Variants in KCNAB1 observed in about 807,000 individuals in gnomAD.
KCNAB1 encodes potassium voltage-gated channel subfamily A regulatory beta subunit 1.
In KCNAB1, 35 loss-of-function variants were observed where a neutral mutation model predicts 64.6. The observed-to-expected ratio is 0.54, with a 90% CI of 0.41 to 0.72. The LOEUF is 0.72. Ranked by LOEUF, KCNAB1 falls within the 30% of genes least tolerant of loss-of-function variation. The pLI is 0.00. For synonymous variants in KCNAB1, 177 were observed against 183.8 expected, an observed-to-expected ratio of 0.96 and a Z score of 0.30; for missense variants, 401 against 512.9, an observed-to-expected ratio of 0.78 and a Z score of 2.11.
At chr3:156,178,857 C>A (rs1303130857) in intron 1 of KCNAB1, among the ~76,000 whole-genome samples, 8 of 151,738 alleles carry the variant, frequency 5.3e-5, no homozygotes, top group Non-Finnish European at 1.0e-4. Context: ...AAAAATTAGC[C>A]GGGCGTGTTG....
At chr3:156,231,681 T>C (rs1716540962) in intron 1 of KCNAB1, among the ~76,000 whole-genome samples, 1 of 151,858 alleles carries the variant, frequency 6.6e-6, no homozygotes, top group Non-Finnish European at 1.5e-5. Context: ...CTCTGCACAA[T>C]AAAACTTGGT....
rs76242140 is a variant in KCNAB1 at position 156,295,739 on chromosome 3, T to A, written c.276-125877T>A. Among the ~76,000 whole-genome samples, 1,338 of 152,280 alleles carry A rather than the reference T, an allele frequency of 8.8e-3. 22 individuals are homozygous for A. Among genetic ancestry groups the A allele is most frequent in the African/African-American group, 0.03 (1,231 of 41,556 alleles). ...GGGCTTTTTTTTCCAATACAGATTA[T>A]TTGTATATATTTATGGGGTACATGT... On this transcript the variant is annotated intron_variant, in intron 1 of 13. Coordinates refer to ENST00000490337, the MANE Select transcript of KCNAB1 (RefSeq NM_172160.3).
At chr3:156,433,512 G>A (rs1205727935) in intron 2 of KCNAB1, among the ~76,000 whole-genome samples, 8 of 152,192 alleles carry the variant, frequency 5.3e-5, no homozygotes, top group Non-Finnish European at 5.9e-5. Context: ...GTAAAGGATA[G>A]ATTGGGAAGG....
At chr3:156,368,872 A>G (rs1003249624) in intron 1 of KCNAB1, among the ~76,000 whole-genome samples, 4 of 152,252 alleles carry the variant, frequency 2.6e-5, no homozygotes, top group African/African-American at 9.6e-5. Context: ...AAATAATTAT[A>G]GCCCCAAGCT....
intron 11 of KCNAB1, among the ~76,000 whole-genome samples, chr3:156,518,185 CT>C (rs1047889365): frequency 1.3e-5 from 2 of 152,170 alleles, no homozygotes; most frequent in African/African-American, 4.8e-5. Flanking sequence ...CTATTGGTGA[CT>C]TTTATAAAGT....
chr3:156,270,247 G>A (rs892525700), intron 1 of KCNAB1, among the ~76,000 whole-genome samples: 5 of 152,032 alleles, frequency 3.3e-5, no homozygotes, highest in Non-Finnish European at 7.4e-5. Flanking sequence ...GGCACTCTAT[G>A]TATTTTGACT....
chr3:156,382,058 G>A (rs988165833), intron 1 of KCNAB1: 5 of 151,974 alleles, frequency 3.3e-5, no homozygotes, highest in Non-Finnish European at 7.4e-5. Flanking sequence ...GTACAATAGG[G>A]CCACACAATT....
intron 1 of KCNAB1, among the ~76,000 whole-genome samples, chr3:156,124,206 ATTTCT>A (rs1364809148): frequency 2.4e-4 from 36 of 148,224 alleles, no homozygotes; most frequent in African/African-American, 7.2e-4. Context: ...CTTAGGATCT[ATTTCT>A]TTTCTTTTTT....
rs1481668490 is a variant in KCNAB1, at chr3:156,218,812, A to AT, written c.275+97926_275+97927insT. ...AAAAAAAAAAAAAAAAATAATAATA[A>AT]AATAAAATAAAAATAAATAAATAAA... On this transcript the variant is annotated intron_variant, in intron 1 of 13. Transcript: ENST00000490337. 6.8e-3 allele frequency among the ~76,000 whole-genome samples: 758 copies of AT among 112,002 alleles called. 8 individuals carry two copies. Among genetic ancestry groups the AT allele is most frequent in the South Asian group, 0.02 (70 of 3,540 alleles). 73.5% of individuals were successfully genotyped at this position (112,002 alleles called of 152,430 possible).
chr3:156,381,150 C>T lies in KCNAB1; in HGVS notation c.276-40466C>T, dbSNP rs111425646. Reference sequence around the variant, plus strand: ...AACACTAAAAAACAAACCAAAAAAGCGCCCAAAGAGCCATTAGACCACAGA... The same window carrying T: ...AACACTAAAAAACAAACCAAAAAAGTGCCCAAAGAGCCATTAGACCACAGA... On this transcript the variant is annotated intron_variant, in intron 1 of 13. Coordinates refer to ENST00000490337, the MANE Select transcript of KCNAB1 (RefSeq NM_172160.3). 6.0e-3 allele frequency among the ~76,000 whole-genome samples: 910 copies of T among 152,098 alleles called. 7 individuals are homozygous for T. The highest frequency in any genetic ancestry group is 0.019 in the African/African-American group (807 of 41,496).
At chr3:156,173,152 GCTGT>G (rs1712120713) in intron 1 of KCNAB1, among the ~76,000 whole-genome samples, 2 of 152,198 alleles carry the variant, frequency 1.3e-5, no homozygotes, top group South Asian at 4.1e-4. Flanking sequence ...AGGCAGTGTT[GCTGT>G]CTAAGAGGGG....
chr3:156,138,101 AAC>A (rs1490553360), intron 1 of KCNAB1, among the ~76,000 whole-genome samples: 1 of 152,200 alleles, frequency 6.6e-6, no homozygotes, highest in Non-Finnish European at 1.5e-5. Context: ...TTGTTAACAC[AAC>A]ACACACATAC....
chr3:156,189,377 A>G (rs1713410477), intron 1 of KCNAB1, among the ~76,000 whole-genome samples: 1 of 152,220 alleles, frequency 6.6e-6, no homozygotes, highest in East Asian at 1.9e-4. Context: ...GTGAGTAAGC[A>G]GCCACCCACT....
chr3:156,261,271 T>C (rs1197407951), intron 1 of KCNAB1, among the ~76,000 whole-genome samples: 2 of 152,000 alleles, frequency 1.3e-5, no homozygotes, highest in African/African-American at 4.8e-5. Context: ...TAACCTTTTT[T>C]TCTTTTATAT....
chr3:156,323,328 G>C (rs1172987135), intron 1 of KCNAB1, among the ~76,000 whole-genome samples: 3 of 152,056 alleles, frequency 2.0e-5, no homozygotes, highest in African/African-American at 4.8e-5. Context: ...TACTTGTACT[G>C]TTTCATTGGT....
chr3:156,355,832 G>A (rs891826419), intron 1 of KCNAB1, among the ~76,000 whole-genome samples: 5 of 151,908 alleles, frequency 3.3e-5, no homozygotes, highest in African/African-American at 7.3e-5. Context: ...AATGTGACCC[G>A]AGGGCTGGCC....
At chr3:156,392,809 A>T (rs906180698) in intron 1 of KCNAB1, among the ~76,000 whole-genome samples, 5 of 152,242 alleles carry the variant, frequency 3.3e-5, no homozygotes, top group Non-Finnish European at 5.9e-5. Context: ...ATGTAAATCC[A>T]ACTGGGTTAT....
chr3:156,452,972 G>GA lies in KCNAB1; in HGVS notation c.357+40dup. The GA allele has an allele frequency of 6.7e-7, 1 of 1,488,156 alleles. No individual in the cohort carries two copies. Among genetic ancestry groups the GA allele is most frequent in the Non-Finnish European group, 9.3e-7 (1 of 1,074,010 alleles). The allele number at this position is 1,488,156 out of a possible 1,614,324, so 92.2% of individuals were successfully genotyped here. ...TTTGGCCTCTATTATGCTAATGAAA[G>GA]AAAATGCAGAGAGAGCTGTATTGCA... On this transcript the variant is annotated intron_variant, in intron 3 of 13. Transcript: ENST00000490337. The surrounding 1 kb of genome is among the most constrained non-coding windows in gnomAD (Gnocchi z 4.6).
intron 1 of KCNAB1, chr3:156,176,503 C>T: frequency 1.3e-6 from 1 of 795,318 alleles, no homozygotes; most frequent in Non-Finnish European, 2.3e-6. Context: ...CACTATCCCA[C>T]ACAGCCACAG....
Sources: gnomAD v4.1 joint callset for allele counts (sites outside exome capture counted in the v4.1 genomes callset) on GRCh38, gnomAD v4.1.1 for gene constraint, Gnocchi (gnomAD v3.1) non-coding constraint, MANE v1.5 for transcripts, NCBI Gene and HGNC (gene_info 2026-07-23, HGNC 2026-07-21) for gene names.